B4GALT5: variants seen among roughly 807,000 people sequenced by gnomAD.
B4GALT5 encodes the protein beta-1,4-galactosyltransferase 5, also known as UDP-Gal:beta-GlcNAc beta-1,4-galactosyltransferase 5.
In B4GALT5, 11 loss-of-function variants were observed where a neutral mutation model predicts 45.0. The ratio of observed to expected loss-of-function variants is 0.24; its 90% confidence interval spans 0.15 to 0.40. The LOEUF (loss-of-function observed/expected upper bound fraction) is 0.40. Among genes scored for constraint, B4GALT5 ranks in the 10% least tolerant of loss-of-function variants. B4GALT5 has a pLI of 1.00. For missense variants in B4GALT5, 337 were observed against 500.2 expected, an observed-to-expected ratio of 0.67 and a Z score of 3.11; for synonymous variants, 185 against 182.9, an observed-to-expected ratio of 1.01 and a Z score of -0.09.
rs1048418882 is a variant in B4GALT5, at chr20:49,656,695, G to A, written c.123C>T (p.Thr41=). Residue 41 remains threonine, a synonymous_variant, in exon 2 of 9, where the codon ACC becomes ACT. Transcript: ENST00000371711. ...FVYVAPGIVN[T]YLFMMQAQGI... ...CTTGGGCTTGCATCATGAAGAGGTAGGTGTTCACTGCAGAAAGCAAAAAGG... is the reference window on the plus strand; with the variant it reads ...CTTGGGCTTGCATCATGAAGAGGTAAGTGTTCACTGCAGAAAGCAAAAAGG... 1.9e-6 allele frequency: 3 copies of A among 1,614,110 alleles called. No homozygotes were observed. In the Admixed American group the frequency reaches 5.0e-5, roughly 27 times the overall value.
intron 1 of B4GALT5, among the ~76,000 whole-genome samples, chr20:49,687,536 C>T (rs1275340564): frequency 6.6e-6 from 1 of 151,864 alleles, no homozygotes; most frequent in Non-Finnish European, 1.5e-5. Flanking sequence ...CCCAGCTACT[C>T]GGGAGGCTGA....
rs193228428 is a variant in B4GALT5 at position 49,644,235 on chromosome 20, T to G, written c.365-585A>C. Among the ~76,000 whole-genome samples the G allele has an allele frequency of 3.2e-3, 486 of 152,044 alleles. 1 individual carries two copies. The highest frequency in any genetic ancestry group is 4.1e-3 in the Non-Finnish European group (279 of 67,938). On this transcript the variant is annotated intron_variant, in intron 3 of 8. Transcript: ENST00000371711. ...GGCCACTGTGCCCAGCCTTCTTTTTTTTTTGTTTTGTTTATTAATATGTTT... is the reference window on the plus strand; with the variant it reads ...GGCCACTGTGCCCAGCCTTCTTTTTGTTTTGTTTTGTTTATTAATATGTTT...
chr20:49,692,576 A>G (rs920583762), intron 1 of B4GALT5, among the ~76,000 whole-genome samples: 3 of 152,242 alleles, frequency 2.0e-5, no homozygotes, highest in Non-Finnish European at 2.9e-5. Context: ...AATCCTTGGA[A>G]TAACAACTAG....
intron 1 of B4GALT5, among the ~76,000 whole-genome samples, chr20:49,700,703 C>T (rs937449524): frequency 6.6e-6 from 1 of 152,170 alleles, no homozygotes; most frequent in African/African-American, 2.4e-5. Context: ...ATCCAGACGA[C>T]TACTAAATGT....
At chr20:49,688,695 T>C (rs538782823) in intron 1 of B4GALT5, among the ~76,000 whole-genome samples, 1 of 152,162 alleles carries the variant, frequency 6.6e-6, no homozygotes, top group Non-Finnish European at 1.5e-5. Context: ...TCCCAACACT[T>C]TGGGAGGCCA....
chr20:49,682,031 G>A (rs1342848801), intron 1 of B4GALT5, among the ~76,000 whole-genome samples: 1 of 152,222 alleles, frequency 6.6e-6, no homozygotes, highest in East Asian at 1.9e-4. Context: ...TTGAGGTTGA[G>A]GTTGTAGTGA....
chr20:49,651,763 A>G (rs929481955), intron 2 of B4GALT5, among the ~76,000 whole-genome samples: 1 of 152,162 alleles, frequency 6.6e-6, no homozygotes, highest in East Asian at 1.9e-4. Context: ...GCACATTGGA[A>G]TCATCTAAGA....
chr20:49,688,507 T>A (rs1451514004), intron 1 of B4GALT5, among the ~76,000 whole-genome samples: 2 of 152,118 alleles, frequency 1.3e-5, no homozygotes, highest in Non-Finnish European at 2.9e-5. Context: ...ATAAATGGAA[T>A]CAGCCCCCAT....
At chr20:49,713,092 G>C (rs971099594) in intron 1 of B4GALT5, among the ~76,000 whole-genome samples, 1 of 151,668 alleles carries the variant, frequency 6.6e-6, no homozygotes, top group Non-Finnish European at 1.5e-5. Flanking sequence ...AGGATGGATG[G>C]GAGCTAGAAG....
At chr20:49,692,292 T>C (rs2085816771) in intron 1 of B4GALT5, among the ~76,000 whole-genome samples, 1 of 140,324 alleles carries the variant, frequency 7.1e-6, no homozygotes, top group Admixed American at 7.4e-5. Flanking sequence ...AGTGAGAGCC[T>C]GTCTCTACAA....
In B4GALT5 at chr20:49,637,321, C is replaced by T. The variant is rs368800093; in HGVS notation, c.1019+20G>A. 3 of 1,589,120 alleles carry T rather than the reference C, an allele frequency of 1.9e-6. No individual in the cohort carries two copies. The African/African-American group carries it at 4.0e-5, about 21-fold the overall frequency. On this transcript the variant is annotated intron_variant, in intron 8 of 8. Transcript: ENST00000371711. ...AAGTATAGGGGATACTTCTAAGAGA[C>T]AGAGATAAATTCCACCAACCTTCCA...
At chr20:49,702,505 A>T (rs1402799734) in intron 1 of B4GALT5, among the ~76,000 whole-genome samples, 1 of 152,178 alleles carries the variant, frequency 6.6e-6, no homozygotes, top group Non-Finnish European at 1.5e-5. Flanking sequence ...ACAGAATAGA[A>T]AATATTTGTA....
intron 1 of B4GALT5, among the ~76,000 whole-genome samples, chr20:49,698,962 GA>G (rs1303973728): frequency 6.6e-6 from 1 of 152,018 alleles, no homozygotes; most frequent in Non-Finnish European, 1.5e-5. Flanking sequence ...TAGAAAAGAT[GA>G]AACAATTTAT....
At chr20:49,689,782 A>C (rs1187968846) in intron 1 of B4GALT5, among the ~76,000 whole-genome samples, 1 of 152,158 alleles carries the variant, frequency 6.6e-6, no homozygotes, top group Non-Finnish European at 1.5e-5. Flanking sequence ...GTGTAATCTA[A>C]ATCCCTATCA....
intron 1 of B4GALT5, among the ~76,000 whole-genome samples, chr20:49,695,642 C>A (rs1278286260): frequency 6.6e-6 from 1 of 152,180 alleles, no homozygotes; most frequent in Non-Finnish European, 1.5e-5. Flanking sequence ...AACTCCCGAC[C>A]TCAGGTGTTT....
rs1600543509 is a variant in B4GALT5, at chr20:49,673,011, A to G, written c.116-16309T>C. ...TCACCAACTAGAACAAACTAAGATT[A>G]CCTTCTGAGTATTCTTGCCAAAAAC... On this transcript the variant is annotated intron_variant, in intron 1 of 8. Transcript: ENST00000371711. Among the ~76,000 whole-genome samples the G allele has an allele frequency of 2.0e-5, 3 of 152,194 alleles. No homozygotes were observed. In the South Asian group the frequency reaches 6.2e-4, roughly 32 times the overall value.
chr20:49,640,448 C>T, intron 6 of B4GALT5, 30 bp downstream of exon 6: 1 of 1,529,824 alleles, frequency 6.5e-7, no homozygotes, highest in Non-Finnish European at 8.8e-7. Flanking sequence ...TCAGATTTAA[C>T]CTCTTTAATT....
At chr20:49,703,274 T>C (rs1174973530) in intron 1 of B4GALT5, among the ~76,000 whole-genome samples, 1 of 151,362 alleles carries the variant, frequency 6.6e-6, no homozygotes, top group Admixed American at 6.6e-5. Flanking sequence ...ACATGGCAAA[T>C]TTCATATTTT....
chr20:49,679,268 C>T (rs1021829041), intron 1 of B4GALT5, among the ~76,000 whole-genome samples: 14 of 152,050 alleles, frequency 9.2e-5, no homozygotes, highest in Non-Finnish European at 2.1e-4. Context: ...TTTGCTGTTT[C>T]GTTGTTGTTG....
Sources: allele counts gnomAD v4.1 joint callset (sites outside exome capture counted in the v4.1 genomes callset), GRCh38; gene constraint gnomAD v4.1.1; transcripts MANE v1.5; gene names NCBI Gene and HGNC (gene_info 2026-07-23, HGNC 2026-07-21).